CELF2: variants seen among roughly 807,000 people sequenced by gnomAD.
CELF2 encodes the protein CUG triplet repeat RNA-binding protein 2.
A neutral mutation model predicts 62.6 loss-of-function variants in CELF2; 8 were observed. The ratio of observed to expected loss-of-function variants is 0.13; its 90% confidence interval spans 0.07 to 0.23. CELF2 has a LOEUF of 0.23. Ranked by LOEUF, CELF2 falls within the 10% of genes least tolerant of loss-of-function variation. The pLI, the probability that CELF2 is intolerant of heterozygous loss-of-function variation, is 1.00. For missense variants in CELF2, 333 were observed against 671.0 expected, an observed-to-expected ratio of 0.50 and a Z score of 5.56; for synonymous variants, 258 against 250.0, an observed-to-expected ratio of 1.03 and a Z score of -0.30.
At chr10:11,112,667 A>G (rs1267278227) in intron 1 of CELF2, among the ~76,000 whole-genome samples, 1 of 152,276 alleles carries the variant, frequency 6.6e-6, no homozygotes, top group African/African-American at 2.4e-5. Flanking sequence ...AACGATATTT[A>G]TGGGAAAAGC....
In CELF2 at chr10:11,178,841, G is replaced by A. The variant is rs1442001584; in HGVS notation, c.271+13159G>A. ...GTGAGTCTATGAAAACCCATTGGTCGGGCTGCCCTAGCAACACAGAATGCT... is the reference window on the plus strand; with the variant it reads ...GTGAGTCTATGAAAACCCATTGGTCAGGCTGCCCTAGCAACACAGAATGCT... On this transcript the variant is annotated intron_variant, in intron 2 of 12. Coordinates refer to ENST00000633077, the MANE Select transcript of CELF2 (RefSeq NM_001326342.2). The surrounding 1 kb of genome is among the most constrained non-coding windows in gnomAD (Gnocchi z 4.3). Among the ~76,000 whole-genome samples the A allele has an allele frequency of 2.0e-5, 3 of 152,266 alleles. No homozygotes were observed. The highest frequency in any genetic ancestry group is 4.4e-5 in the Non-Finnish European group (3 of 68,022).
At chr10:10,758,576 TAC>T in the CELF2 span, among the ~76,000 whole-genome samples, 23,140 of 152,182 alleles carry the variant, frequency 0.15, 1,955 homozygotes, top group East Asian at 0.29. Context: ...TCCCAGTGTC[TAC>T]ACAGAGTGGG....
In CELF2 at chr10:10,882,705, C is replaced by T. The variant is rs780243601; in HGVS notation, c.54-37259C>T. 1.3e-3 allele frequency among the ~76,000 whole-genome samples: 192 copies of T among 152,152 alleles called. 2 individuals are homozygous for T. The highest frequency in any genetic ancestry group is 1.9e-4 in the Non-Finnish European group (13 of 67,982). On this transcript the variant is annotated intron_variant, in intron 1 of 13. Transcript: ENST00000636488. Reference sequence around the variant, plus strand: ...CAGTTTGCCTCATGTGAATTTTCTCCGTAAGATTTTCTTGTGATTTGGGCC... The same window carrying T: ...CAGTTTGCCTCATGTGAATTTTCTCTGTAAGATTTTCTTGTGATTTGGGCC...
At chr10:10,593,370 C>G in the CELF2 span, among the ~76,000 whole-genome samples, 2 of 152,240 alleles carry the variant, frequency 1.3e-5, no homozygotes, top group Non-Finnish European at 2.9e-5. Context: ...AGTGACTTCA[C>G]ATGGTCTCTC....
In CELF2 at chr10:10,902,191, A is replaced by G. The variant is rs1226394962; in HGVS notation, c.54-17773A>G. Among the ~76,000 whole-genome samples, 13 of 152,230 alleles carry G rather than the reference A, an allele frequency of 8.5e-5. 1 individual carries two copies. Among genetic ancestry groups the G allele is most frequent in the Admixed American group, 8.5e-4 (13 of 15,286 alleles). Reference sequence around the variant, plus strand: ...AAAACAGTTTGGCCGTTTCTTAAAAAGTTAAATACACATCTACCATTTGAT... The same window carrying G: ...AAAACAGTTTGGCCGTTTCTTAAAAGGTTAAATACACATCTACCATTTGAT... On this transcript the variant is annotated intron_variant, in intron 1 of 13. Transcript: ENST00000636488.
intron 8 of CELF2, among the ~76,000 whole-genome samples, chr10:11,282,824 G>C (rs1388797525): frequency 6.6e-6 from 1 of 152,256 alleles, no homozygotes; most frequent in Non-Finnish European, 1.5e-5. Flanking sequence ...ACCAGCCTGC[G>C]CTGCCTTCGG....
intron 4 of CELF2, among the ~76,000 whole-genome samples, chr10:11,252,408 CTT>C (rs1324816310): frequency 6.6e-6 from 1 of 152,350 alleles, no homozygotes; most frequent in East Asian, 1.9e-4. Flanking sequence ...CAGTTACTGT[CTT>C]CATTATCACT....
the CELF2 span, among the ~76,000 whole-genome samples, chr10:10,610,061 G>C: frequency 6.6e-6 from 1 of 152,136 alleles, no homozygotes; most frequent in African/African-American, 2.4e-5. Context: ...CTATTTATGT[G>C]GATCAATATA....
intron 2 of CELF2, among the ~76,000 whole-genome samples, chr10:11,201,419 G>T (rs1402127520): frequency 6.6e-6 from 1 of 152,206 alleles, no homozygotes; most frequent in Non-Finnish European, 1.5e-5. Flanking sequence ...TTTTGTGTGT[G>T]TGTGTGTTTT....
chr10:11,138,299 T>A (rs1489195327), intron 1 of CELF2, among the ~76,000 whole-genome samples: 1 of 152,194 alleles, frequency 6.6e-6, no homozygotes, highest in South Asian at 2.1e-4. Context: ...CTGAGACACG[T>A]AAATGGAATT....
At chr10:10,628,270 A>G in the CELF2 span, among the ~76,000 whole-genome samples, 1 of 134,852 alleles carries the variant, frequency 7.4e-6, no homozygotes, top group Non-Finnish European at 1.7e-5. Flanking sequence ...AAAAAATGTT[A>G]TCAGTATCCT....
rs527762696 is a variant in CELF2, at chr10:11,010,404, T to C, written c.53+4964T>C. ...ATCGAATCAGTACTGGCCTTCTCTC[T>C]TCCTTTCCAACTGCCCGTTGTAGGT... is the stretch of plus-strand genomic sequence containing the variant. On this transcript the variant is annotated intron_variant, in intron 1 of 12. Transcript: ENST00000416382. The surrounding 1 kb of genome is among the most constrained non-coding windows in gnomAD (Gnocchi z 4.1). Among the ~76,000 whole-genome samples, 45 of 152,328 alleles carry C rather than the reference T, an allele frequency of 3.0e-4. No homozygotes were observed. Among genetic ancestry groups the C allele is most frequent in the African/African-American group, 1.0e-3 (42 of 41,572 alleles).
intron 1 of CELF2, among the ~76,000 whole-genome samples, chr10:10,836,221 A>G (rs1274397548): frequency 6.6e-6 from 1 of 152,114 alleles, no homozygotes; most frequent in Non-Finnish European, 1.5e-5. Flanking sequence ...AAAGAAAAGG[A>G]GAAAGGAGGA....
chr10:10,821,840 T>C (rs544387683), intron 1 of CELF2, among the ~76,000 whole-genome samples: 1 of 152,280 alleles, frequency 6.6e-6, no homozygotes, highest in South Asian at 2.1e-4. Context: ...GAGGTCTTGC[T>C]TTTTGGCCCA....
the CELF2 span, among the ~76,000 whole-genome samples, chr10:10,641,246 G>T: frequency 1.6e-4 from 24 of 152,256 alleles, no homozygotes; most frequent in African/African-American, 5.5e-4. Context: ...TGGCTCCACT[G>T]CCTAATGCAA....
At chr10:11,261,086 C>A (rs1414873722) in intron 5 of CELF2, among the ~76,000 whole-genome samples, 2 of 152,196 alleles carry the variant, frequency 1.3e-5, no homozygotes, top group Admixed American at 6.5e-5. Context: ...CCAGGGTATA[C>A]CCTCTTCCGT....
At position 11,177,051 on chromosome 10, in the gene CELF2, A is replaced by G. The variant is rs553294704; in HGVS notation, c.271+11369A>G. ...CCTTCCTGGAATCACCACTGGTTGC[A>G]GAAGCCTATATAGGGTGGCTCATTT... On this transcript the variant is annotated intron_variant, in intron 2 of 12. Coordinates refer to ENST00000633077, the MANE Select transcript of CELF2 (RefSeq NM_001326342.2). This position sits in a 1 kb window ranked among gnomAD's most constrained non-coding sequence, Gnocchi z 4.8. Among the ~76,000 whole-genome samples the G allele has an allele frequency of 5.2e-4, 79 of 152,330 alleles. No individual in the cohort carries two copies. In the South Asian group the frequency reaches 0.016, roughly 30 times the overall value.
chr10:10,762,822 A>G, the CELF2 span, among the ~76,000 whole-genome samples: 1 of 152,184 alleles, frequency 6.6e-6, no homozygotes, highest in African/African-American at 2.4e-5. Context: ...CAGGGGGACC[A>G]CTTGAGCCCA....
chr10:11,167,994 A>G (rs558260238), intron 2 of CELF2, among the ~76,000 whole-genome samples: 1 of 152,324 alleles, frequency 6.6e-6, no homozygotes, highest in Admixed American at 6.5e-5. Flanking sequence ...TTGCGTCTTC[A>G]TGAGATGAGA....
Sources: allele counts gnomAD v4.1 joint callset (sites outside exome capture counted in the v4.1 genomes callset), GRCh38; gene constraint gnomAD v4.1.1; non-coding constraint Gnocchi (gnomAD v3.1); transcripts MANE v1.5; gene names NCBI Gene and HGNC (gene_info 2026-07-23, HGNC 2026-07-21).